The following RGL1 variants were observed in gnomAD, a reference collection of about 807,000 sequenced individuals.
RGL1 encodes ral guanine nucleotide dissociation stimulator-like 1.
A neutral mutation model predicts 95.2 loss-of-function variants in RGL1; 24 were observed. The observed-to-expected ratio is 0.25, with a 90% CI of 0.18 to 0.35. The LOEUF (loss-of-function observed/expected upper bound fraction) is 0.35, where lower values mean the gene tolerates loss of function less well. Among genes scored for constraint, RGL1 ranks in the 10% least tolerant of loss-of-function variants. The probability of loss-of-function intolerance (pLI) is 1.00; values close to 1 mark genes in which losing one functional copy is unlikely to be tolerated. For missense variants in RGL1, 715 were observed against 936.3 expected (o/e 0.76, Z 3.08); for synonymous variants, 329 against 344.9 (o/e 0.95, Z 0.51).
chr1:183,826,325 C>G (rs1277409193), intron 2 of RGL1, among the ~76,000 whole-genome samples: 1 of 152,178 alleles, frequency 6.6e-6, no homozygotes, highest in African/African-American at 2.4e-5. Context: ...CCCTGCAACT[C>G]CCTATCCTCC....
At chr1:183,687,029 C>A (rs996563440) in intron 1 of RGL1, among the ~76,000 whole-genome samples, 3 of 152,212 alleles carry the variant, frequency 2.0e-5, no homozygotes, top group African/African-American at 7.2e-5. Context: ...TCAGCACATG[C>A]TGATTCTAAC....
chr1:183,750,209 G>A (rs1657908554), intron 2 of RGL1, among the ~76,000 whole-genome samples: 1 of 152,146 alleles, frequency 6.6e-6, no homozygotes, highest in Non-Finnish European at 1.5e-5. Flanking sequence ...TCAAACGTAG[G>A]TTTGGTCTTT....
chr1:183,910,368 A>G (rs1185264203), intron 14 of RGL1, among the ~76,000 whole-genome samples: 1 of 152,122 alleles, frequency 6.6e-6, no homozygotes, highest in African/African-American at 2.4e-5. Flanking sequence ...AAAGTGCTGG[A>G]AGCACTTTGA....
chr1:183,827,140 C>G (rs2102475712), intron 2 of RGL1, among the ~76,000 whole-genome samples: 1 of 152,336 alleles, frequency 6.6e-6, no homozygotes, highest in South Asian at 2.1e-4. Context: ...CCAGGCTGGT[C>G]TTGAACTACT....
At chr1:183,681,111 C>G (rs947883260) in intron 1 of RGL1, among the ~76,000 whole-genome samples, 3 of 152,182 alleles carry the variant, frequency 2.0e-5, no homozygotes, top group African/African-American at 7.2e-5. Flanking sequence ...ATAATCATGT[C>G]TTCTGCAAAC....
chr1:183,916,476 T>C lies in RGL1; in HGVS notation c.1779T>C (p.Ser593=), dbSNP rs1572601362. 1 of 1,614,148 alleles carries C rather than the reference T, an allele frequency of 6.2e-7. No individual in the cohort carries two copies. Among genetic ancestry groups the C allele is most frequent in the South Asian group, 1.1e-5 (1 of 91,080 alleles). Residue 593 remains serine, a synonymous_variant, in exon 16 of 18, where the codon TCT becomes TCC. Transcript: ENST00000360851. ...CTGAGTCCTCCTCATCCTGTTCTTC[T>C]ATCCATTCCATGGACACAAATTCCT... ...KLSESSSSCS[S]IHSMDTNSSG...
intron 3 of RGL1, among the ~76,000 whole-genome samples, chr1:183,849,642 C>G (rs1421341261): frequency 6.6e-6 from 1 of 151,884 alleles, no homozygotes; most frequent in East Asian, 1.9e-4. Flanking sequence ...AGGTGCATGC[C>G]ACCACACCCA....
intron 1 of RGL1, among the ~76,000 whole-genome samples, chr1:183,708,550 A>G (rs1655064491): frequency 6.6e-6 from 1 of 152,180 alleles, no homozygotes; most frequent in African/African-American, 2.4e-5. Flanking sequence ...GCGCATGCTG[A>G]TACAATTCAT....
chr1:183,688,137 T>A (rs1653727512), intron 1 of RGL1, among the ~76,000 whole-genome samples: 1 of 152,146 alleles, frequency 6.6e-6, no homozygotes. Context: ...ACAATACAAG[T>A]GTAATATATT....
At chr1:183,894,645 C>T (rs896415626) in intron 9 of RGL1, among the ~76,000 whole-genome samples, 4 of 152,050 alleles carry the variant, frequency 2.6e-5, no homozygotes, top group Non-Finnish European at 5.9e-5. Flanking sequence ...TCTAGTGTTA[C>T]TCCTGGTTTT....
intron 1 of RGL1, among the ~76,000 whole-genome samples, chr1:183,655,158 C>T (rs1487661229): frequency 2.0e-5 from 3 of 152,158 alleles, no homozygotes; most frequent in Admixed American, 6.5e-5. Flanking sequence ...AGAAGATTTA[C>T]AAAGACTAAA....
intron 1 of RGL1, among the ~76,000 whole-genome samples, chr1:183,642,589 A>G (rs1650001143): frequency 1.3e-5 from 2 of 152,234 alleles, no homozygotes; most frequent in Admixed American, 1.3e-4. Context: ...ATGAACCTAA[A>G]AAAACCTTGT....
chr1:183,679,986 CAT>C (rs370422618), intron 1 of RGL1, among the ~76,000 whole-genome samples: 59 of 152,076 alleles, frequency 3.9e-4, no homozygotes, highest in African/African-American at 1.4e-3. Context: ...GCTTTTTTTT[CAT>C]ATGTTTGTTG....
intron 1 of RGL1, among the ~76,000 whole-genome samples, chr1:183,666,632 G>T (rs1210325183): frequency 6.6e-6 from 1 of 152,114 alleles, no homozygotes; most frequent in Non-Finnish European, 1.5e-5. Context: ...GGGATTACAG[G>T]TGTGAGCCAC....
At chr1:183,641,209 A>G (rs1174217385) in intron 1 of RGL1, among the ~76,000 whole-genome samples, 1 of 152,134 alleles carries the variant, frequency 6.6e-6, no homozygotes, top group African/African-American at 2.4e-5. Context: ...ATCTTGGCTT[A>G]CTGCAGCCTC....
intron 13 of RGL1, among the ~76,000 whole-genome samples, chr1:183,906,343 A>G (rs998683577): frequency 3.3e-5 from 5 of 152,194 alleles, no homozygotes; most frequent in African/African-American, 1.2e-4. Flanking sequence ...TGTGTCAGTT[A>G]TATCTGCCTG....
intron 9 of RGL1, among the ~76,000 whole-genome samples, chr1:183,893,435 G>C (rs1667529889): frequency 6.6e-6 from 1 of 152,084 alleles, no homozygotes; most frequent in African/African-American, 2.4e-5. Flanking sequence ...TTTGTATTTG[G>C]TGAGCTATAT....
intron 3 of RGL1, among the ~76,000 whole-genome samples, chr1:183,854,128 A>G (rs1355809896): frequency 1.3e-5 from 2 of 152,240 alleles, no homozygotes; most frequent in African/African-American, 4.8e-5. Context: ...TTATATAATT[A>G]AAATTGATAG....
intron 2 of RGL1, among the ~76,000 whole-genome samples, chr1:183,749,599 C>T (rs1657867608): frequency 1.3e-5 from 2 of 152,176 alleles, no homozygotes; most frequent in Non-Finnish European, 1.5e-5. Context: ...TTGATCCTGT[C>T]GTCATGATGC....
Sources: allele counts gnomAD v4.1 joint callset (sites outside exome capture counted in the v4.1 genomes callset), GRCh38; gene constraint gnomAD v4.1.1; transcripts MANE v1.5; gene names NCBI Gene and HGNC (gene_info 2026-07-23, HGNC 2026-07-21).